FHIP1A: variants seen among roughly 807,000 people sequenced by gnomAD.
FHIP1A encodes FHF complex subunit HOOK interacting protein 1A.
Under a neutral mutation model 88.6 loss-of-function variants are expected in FHIP1A, and 61 were observed. That is an observed-to-expected ratio of 0.69 (90% CI 0.56 to 0.85). The LOEUF is 0.85. FHIP1A is among the 40% of genes least tolerant of loss of function. FHIP1A has a pLI of 0.00. For synonymous variants in FHIP1A, 478 were observed against 496.0 expected, an observed-to-expected ratio of 0.96 and a Z score of 0.48; for missense variants, 1,154 against 1,273.5, an observed-to-expected ratio of 0.91 and a Z score of 1.43.
chr4:151,455,267 G>T (rs1223580579), intron 2 of FHIP1A, among the ~76,000 whole-genome samples: 1 of 152,162 alleles, frequency 6.6e-6, no homozygotes, highest in East Asian at 1.9e-4. Flanking sequence ...ATATAAAGAT[G>T]TTTCCTCTAT....
At chr4:151,647,944 C>T (rs1427660208) in intron 10 of FHIP1A, among the ~76,000 whole-genome samples, 1 of 152,128 alleles carries the variant, frequency 6.6e-6, no homozygotes, top group Non-Finnish European at 1.5e-5. Flanking sequence ...AATAAACAAA[C>T]TGAGAGAGAG....
chr4:151,508,629 A>C (rs1730915045), intron 3 of FHIP1A, among the ~76,000 whole-genome samples: 1 of 152,176 alleles, frequency 6.6e-6, no homozygotes, highest in Non-Finnish European at 1.5e-5. Context: ...CTTGCATAGA[A>C]AGGCTCTCAG....
At chr4:151,432,588 T>A (rs1327425598) in intron 1 of FHIP1A, among the ~76,000 whole-genome samples, 1 of 152,330 alleles carries the variant, frequency 6.6e-6, no homozygotes, top group East Asian at 1.9e-4. Flanking sequence ...CAAAAATTAG[T>A]TAAGACTTGG....
chr4:151,431,413 T>A (rs1315435518), intron 1 of FHIP1A, among the ~76,000 whole-genome samples: 3 of 152,160 alleles, frequency 2.0e-5, no homozygotes, highest in Non-Finnish European at 4.4e-5. Flanking sequence ...TTATTGTTTT[T>A]AAAAAAATCA....
At position 151,409,670 on chromosome 4, in the gene FHIP1A, G is replaced by T. The variant is rs116191150; in HGVS notation, c.-356+205G>T. On this transcript the variant is annotated intron_variant, in intron 1 of 13. Coordinates refer to ENST00000435205, the MANE Select transcript of FHIP1A (RefSeq NM_001109977.3). ...GTCGCTGCGTCGGGCGGGGGCGCAG[G>T]GGGGAGGAGGTGACTTCTAGGGTTT... is the stretch of plus-strand genomic sequence containing the variant. Among the ~76,000 whole-genome samples, 4 of 152,104 alleles carry T rather than the reference G, an allele frequency of 2.6e-5. No individual in the cohort carries two copies. The East Asian group carries it at 5.8e-4, about 22-fold the overall frequency.
intron 3 of FHIP1A, among the ~76,000 whole-genome samples, chr4:151,542,339 G>A (rs899758921): frequency 1.3e-5 from 2 of 152,178 alleles, no homozygotes; most frequent in African/African-American, 4.8e-5. Context: ...TTGGTGGAAT[G>A]TGACTTGTCC....
intron 7 of FHIP1A, among the ~76,000 whole-genome samples, chr4:151,611,394 A>G (rs905079941): frequency 3.3e-5 from 5 of 152,210 alleles, no homozygotes; most frequent in Non-Finnish European, 7.3e-5. Flanking sequence ...AAAATGAACC[A>G]AAAAATATTT....
chr4:151,557,340 A>G (rs1578749700), intron 3 of FHIP1A, among the ~76,000 whole-genome samples: 1 of 152,328 alleles, frequency 6.6e-6, no homozygotes, highest in African/African-American at 2.4e-5. Flanking sequence ...AACTCTAGGG[A>G]GAAATAGCGC....
intron 3 of FHIP1A, among the ~76,000 whole-genome samples, chr4:151,526,890 G>A (rs1250965048): frequency 1.7e-4 from 26 of 151,368 alleles, no homozygotes; most frequent in Admixed American, 4.6e-4. Flanking sequence ...CGGACGGGGC[G>A]GCAGGGCAGA....
intron 3 of FHIP1A, among the ~76,000 whole-genome samples, chr4:151,518,661 C>CCCTT (rs1553948968): frequency 0.023 from 1,825 of 78,714 alleles, 41 homozygotes; most frequent in Middle Eastern, 0.049. Flanking sequence ...CTCCCTCCCT[C>CCCTT]CCTTCCTTCT....
chr4:151,630,733 T>G (rs1377405719), intron 8 of FHIP1A, among the ~76,000 whole-genome samples: 2 of 152,216 alleles, frequency 1.3e-5, no homozygotes, highest in African/African-American at 4.8e-5. Flanking sequence ...ACATGGAATA[T>G]TCTCCAAGAC....
At chr4:151,506,369 G>A (rs770064971) in intron 3 of FHIP1A, among the ~76,000 whole-genome samples, 11 of 152,268 alleles carry the variant, frequency 7.2e-5, no homozygotes. Context: ...GAAGTATATT[G>A]CAGTATATTG....
intron 1 of FHIP1A, among the ~76,000 whole-genome samples, chr4:151,410,060 T>A (rs1281467587): frequency 6.6e-6 from 1 of 152,216 alleles, no homozygotes; most frequent in East Asian, 1.9e-4. Flanking sequence ...AGGTCCCTTG[T>A]TAACTCCGCT....
intron 3 of FHIP1A, among the ~76,000 whole-genome samples, chr4:151,492,427 A>C (rs1730315760): frequency 6.6e-6 from 1 of 152,002 alleles, no homozygotes; most frequent in Non-Finnish European, 1.5e-5. Flanking sequence ...CCCCGTCTCT[A>C]CTAAAAATAC....
At chr4:151,418,655 A>G (rs1285853041) in intron 1 of FHIP1A, among the ~76,000 whole-genome samples, 1 of 152,186 alleles carries the variant, frequency 6.6e-6, no homozygotes, top group African/African-American at 2.4e-5. Context: ...TTGGGTATAC[A>G]GATAATTCCT....
intron 3 of FHIP1A, among the ~76,000 whole-genome samples, chr4:151,486,925 G>A (rs111354164): frequency 0.014 from 2,159 of 149,924 alleles, 48 homozygotes; most frequent in African/African-American, 0.051. Context: ...CCGAGACTGC[G>A]CCACTGCACT....
At chr4:151,625,911 G>A (rs926723289) in intron 7 of FHIP1A, among the ~76,000 whole-genome samples, 1 of 152,182 alleles carries the variant, frequency 6.6e-6, no homozygotes, top group Middle Eastern at 3.2e-3. Flanking sequence ...AGACCTTGAC[G>A]GGTTATAGCC....
At chr4:151,518,685 C>G (rs377136035) in intron 3 of FHIP1A, among the ~76,000 whole-genome samples, 1 of 109,334 alleles carries the variant, frequency 9.1e-6, no homozygotes, top group African/African-American at 3.2e-5. Flanking sequence ...CCTTTCCTCC[C>G]CTCCCCTCCC....
chr4:151,558,222 C>A (rs1393181600), intron 3 of FHIP1A, among the ~76,000 whole-genome samples: 2 of 152,052 alleles, frequency 1.3e-5, no homozygotes, highest in Non-Finnish European at 2.9e-5. Flanking sequence ...AAAACAATCT[C>A]ATAAGAAAAG....
Sources: allele counts gnomAD v4.1 joint callset (sites outside exome capture counted in the v4.1 genomes callset), GRCh38; gene constraint gnomAD v4.1.1; transcripts MANE v1.5; gene names NCBI Gene and HGNC (gene_info 2026-07-23, HGNC 2026-07-21).